ADGRL4: variants seen among roughly 807,000 people sequenced by gnomAD.
ADGRL4 encodes the protein EGF, latrophilin and seven transmembrane domain containing 1.
A neutral mutation model predicts 74.8 loss-of-function variants in ADGRL4; 90 were observed. That is an observed-to-expected ratio of 1.20 (90% CI 1.02 to 1.43). ADGRL4 has a LOEUF of 1.43. Among genes scored for constraint, ADGRL4 ranks in the 40% most tolerant of loss-of-function variants. The probability of loss-of-function intolerance (pLI) is 0.00; values close to 1 mark genes in which losing one functional copy is unlikely to be tolerated. For missense variants in ADGRL4, 881 were observed against 814.3 expected, an observed-to-expected ratio of 1.08 and a Z score of -1.00; for synonymous variants, 311 against 279.2, an observed-to-expected ratio of 1.11 and a Z score of -1.14.
chr1:78,974,583 G>T (rs929825267), intron 2 of ADGRL4, among the ~76,000 whole-genome samples: 1 of 152,130 alleles, frequency 6.6e-6, no homozygotes. Flanking sequence ...TTATCATACA[G>T]ATTTAGACGT....
chr1:78,903,970 TAAATA>T lies in ADGRL4; in HGVS notation c.1750-10786_1750-10782del, dbSNP rs1207474055. 1.1e-3 allele frequency among the ~76,000 whole-genome samples: 97 copies of T among 88,302 alleles called. 1 individual carries two copies. Among genetic ancestry groups the T allele is most frequent in the African/African-American group, 3.5e-3 (90 of 25,466 alleles). The allele number at this position is 88,302 out of a possible 152,430, so 57.9% of individuals were successfully genotyped here. A position where few individuals can be genotyped will look rare whatever the true frequency, so the allele number is the denominator to read the frequency against. ...ATAAATAAATAAATAAATAAATAAATAAATAAATAATAATAATAATAATGTACTAT... is the reference window on the plus strand; with the variant it reads ...ATAAATAAATAAATAAATAAATAAATAATAATAATAATAATAATGTACTAT... On this transcript the variant is annotated intron_variant, in intron 12 of 14. Coordinates refer to ENST00000370742, the MANE Select transcript of ADGRL4 (RefSeq NM_022159.4).
At chr1:78,897,522 CCT>C (rs1648423240) in intron 12 of ADGRL4, among the ~76,000 whole-genome samples, 1 of 152,020 alleles carries the variant, frequency 6.6e-6, no homozygotes. Context: ...CTATAAATCC[CCT>C]GATTTCAGAG....
At chr1:78,982,746 AC>A (rs1187143152) in intron 2 of ADGRL4, among the ~76,000 whole-genome samples, 4 of 151,902 alleles carry the variant, frequency 2.6e-5, no homozygotes, top group African/African-American at 7.2e-5. Context: ...ATCCTTGAGG[AC>A]AAACATAAAT....
Position 78,946,402 on chromosome 1 carries a change from G to A in ADGRL4, c.197C>T (p.Thr66Ile). 6.2e-7 allele frequency: 1 copy of A among 1,610,466 alleles called. No homozygotes were observed. The highest frequency in any genetic ancestry group is 8.5e-7 in the Non-Finnish European group (1 of 1,178,472). ...ATTAGCATTTTCGCCACAGGACTGAGTTAAATTTCCACATTCATTATCATC... is the reference window on the plus strand; with the variant it reads ...ATTAGCATTTTCGCCACAGGACTGAATTAAATTTCCACATTCATTATCATC... Reference protein sequence around the residue: ...CEDDNECGNLTQSCGENANCT... With the variant: ...CEDDNECGNLIQSCGENANCT... The change falls in exon 3 of 15, where the codon ACT becomes ATT. Residue 66 changes from threonine to isoleucine, a missense_variant. Thr to Ile is a moderately conservative substitution (Grantham distance 89, BLOSUM62 -1). Transcript: ENST00000370742.
At chr1:78,991,847 G>A (rs547339643) in intron 2 of ADGRL4, among the ~76,000 whole-genome samples, 5 of 151,988 alleles carry the variant, frequency 3.3e-5, no homozygotes, top group Admixed American at 1.3e-4. Context: ...TTGCTAGTAC[G>A]GTGTGAAGGA....
At chr1:78,978,733 T>C (rs1650340621) in intron 2 of ADGRL4, among the ~76,000 whole-genome samples, 1 of 151,896 alleles carries the variant, frequency 6.6e-6, no homozygotes, top group Non-Finnish European at 1.5e-5. Flanking sequence ...TTCCTGTGGG[T>C]TAGATTTTAT....
chr1:78,992,348 A>T (rs1005087323), intron 2 of ADGRL4, among the ~76,000 whole-genome samples: 21 of 152,056 alleles, frequency 1.4e-4, no homozygotes, highest in African/African-American at 4.8e-4. Context: ...TCTGAATGTA[A>T]GATTGCAGAA....
intron 2 of ADGRL4, among the ~76,000 whole-genome samples, chr1:78,990,378 G>A (rs1650583015): frequency 6.6e-6 from 1 of 151,752 alleles, no homozygotes; most frequent in Admixed American, 6.6e-5. Context: ...CACAATTTAG[G>A]AATCACTGGA....
intron 2 of ADGRL4, among the ~76,000 whole-genome samples, chr1:78,975,453 T>C (rs1650257628): frequency 6.6e-6 from 1 of 152,006 alleles, no homozygotes; most frequent in Non-Finnish European, 1.5e-5. Context: ...CAATTATCTG[T>C]CTATCCCAAC....
At chr1:78,983,102 G>A (rs1650428280) in intron 2 of ADGRL4, among the ~76,000 whole-genome samples, 1 of 151,826 alleles carries the variant, frequency 6.6e-6, no homozygotes, top group Admixed American at 6.6e-5. Flanking sequence ...TGAGGTGGTG[G>A]TGAAGAAGGT....
chr1:78,910,187 AT>A (rs1328209316), intron 12 of ADGRL4, among the ~76,000 whole-genome samples: 1 of 151,756 alleles, frequency 6.6e-6, no homozygotes, highest in Non-Finnish European at 1.5e-5. Flanking sequence ...ATCTTTGGCA[AT>A]TTGTGCTACT....
Position 78,921,667 on chromosome 1 carries a change from G to A in ADGRL4, c.1203C>T (p.Cys401=). The change falls in exon 9 of 15, where the codon TGC becomes TGT. Residue 401 remains cysteine, a synonymous_variant. Coordinates refer to ENST00000370742, the MANE Select transcript of ADGRL4 (RefSeq NM_022159.4). The stretch of plus-strand genomic sequence containing the variant: ...CAAAATGTGTCAGGTGATTACAGCG[G>A]CATGAGGTGTGGGTCTCATTTGAGT... The part of the protein sequence containing the change: ...LTYSNETHTS[C]RCNHLTHFAI... 6.3e-7 allele frequency: 1 copy of A among 1,598,240 alleles called. No individual in the cohort carries two copies. Among genetic ancestry groups the A allele is most frequent in the Admixed American group, 1.7e-5 (1 of 57,594 alleles).
chr1:79,004,756 C>G (rs898619603), intron 2 of ADGRL4, among the ~76,000 whole-genome samples: 1 of 152,142 alleles, frequency 6.6e-6, no homozygotes, highest in Non-Finnish European at 1.5e-5. Context: ...TAGCAGTATA[C>G]ATTTCGTGAA....
intron 12 of ADGRL4, among the ~76,000 whole-genome samples, chr1:78,901,880 C>T (rs998316954): frequency 1.3e-5 from 2 of 152,142 alleles, no homozygotes; most frequent in Admixed American, 6.5e-5. Context: ...AAAGATATTT[C>T]TCTGCTGAGG....
intron 2 of ADGRL4, among the ~76,000 whole-genome samples, chr1:79,004,411 T>C (rs1650916294): frequency 6.6e-6 from 1 of 151,914 alleles, no homozygotes; most frequent in South Asian, 2.1e-4. Flanking sequence ...AGACACGAAA[T>C]TACGTAAATT....
At chr1:78,998,245 T>C (rs1650759515) in intron 2 of ADGRL4, among the ~76,000 whole-genome samples, 1 of 128,526 alleles carries the variant, frequency 7.8e-6, no homozygotes, top group Admixed American at 7.5e-5. Flanking sequence ...CTCCCTCTGA[T>C]TTCATTGCTT....
intron 8 of ADGRL4, among the ~76,000 whole-genome samples, chr1:78,926,346 G>C (rs575731447): frequency 1.3e-5 from 2 of 152,014 alleles, no homozygotes; most frequent in South Asian, 2.1e-4. Context: ...TTCTAATCAT[G>C]CTTTTTTATT....
intron 1 of ADGRL4, among the ~76,000 whole-genome samples, chr1:79,005,915 C>T (rs1256049629): frequency 1.3e-5 from 2 of 151,392 alleles, no homozygotes; most frequent in Non-Finnish European, 3.0e-5. Flanking sequence ...AATGGAACAG[C>T]ACACAAATGT....
chr1:78,918,662 A>G (rs370991096), intron 10 of ADGRL4, among the ~76,000 whole-genome samples: 11 of 152,050 alleles, frequency 7.2e-5, no homozygotes, highest in African/African-American at 2.6e-4. Flanking sequence ...GACCTATAAG[A>G]AATAACAGAA....
Sources: gnomAD v4.1 joint callset for allele counts (sites outside exome capture counted in the v4.1 genomes callset) on GRCh38, gnomAD v4.1.1 for gene constraint, MANE v1.5 for transcripts, NCBI Gene and HGNC (gene_info 2026-07-23, HGNC 2026-07-21) for gene names.